Variants in ETHE1 observed in about 807,000 individuals in gnomAD.
The protein encoded by ETHE1 is ETHE1 persulfide dioxygenase, also known as persulfide dioxygenase ETHE1, mitochondrial.
Under a neutral mutation model 25.7 loss-of-function variants are expected in ETHE1, and 16 were observed. That is an observed-to-expected ratio of 0.62 (90% confidence interval 0.42 to 0.95). ETHE1 has a LOEUF of 0.95. Among genes scored for constraint, ETHE1 ranks in the 40% least tolerant of loss-of-function variants. The pLI is 0.00. For missense variants in ETHE1, 300 were observed against 333.6 expected, an observed-to-expected ratio of 0.90 and a Z score of 0.79; for synonymous variants, 139 against 135.9, an observed-to-expected ratio of 1.02 and a Z score of -0.16.
In ETHE1 at chr19:43,511,440, G is replaced by C. The variant is rs1221844273; in HGVS notation, c.502C>G (p.Gln168Glu). ...GCTGGATAAAGGAGCTGGTCACCTT[G>C]CTGGAAGTCTGTCCGCCCACACCCA... ...IRGCGRTDFQ[Q>E]GCAKTLYHSV... The change falls in exon 4 of 7, where the codon CAA becomes GAA. Residue 168 changes from glutamine (Q) to glutamate (E), a missense_variant. Gln to Glu is a conservative substitution (Grantham distance 29). Coordinates refer to ENST00000292147, the MANE Select transcript of ETHE1 (RefSeq NM_014297.5). The C allele has an allele frequency of 1.9e-6, 3 of 1,614,076 alleles. No homozygotes were observed. The highest frequency in any genetic ancestry group is 2.7e-5 in the African/African-American group (2 of 74,936).
intron 3 of ETHE1, among the ~76,000 whole-genome samples, chr19:43,522,031 A>G (rs978794498): frequency 1.3e-5 from 2 of 152,092 alleles, no homozygotes; most frequent in Non-Finnish European, 2.9e-5. Flanking sequence ...TGTAGGGCAA[A>G]AATTATGGCC....
chr19:43,516,623 CT>C (rs71169249), intron 3 of ETHE1, among the ~76,000 whole-genome samples: 55 of 110,178 alleles, frequency 5.0e-4, no homozygotes, highest in Middle Eastern at 6.1e-3. Flanking sequence ...TTCTTTTTTT[CT>C]TTTTTTTTTT....
rs935855792 is a variant in ETHE1, at chr19:43,511,436, C to A, written c.505+1G>T. The A allele has an allele frequency of 1.2e-6, 2 of 1,614,192 alleles. No individual in the cohort carries two copies. The highest frequency in any genetic ancestry group is 1.7e-6 in the Non-Finnish European group (2 of 1,180,022). ...TTGGGCTGGATAAAGGAGCTGGTCA[C>A]CTTGCTGGAAGTCTGTCCGCCCACA... On this transcript the variant is annotated splice_donor_variant, in intron 4 of 6. Transcript: ENST00000292147. LOFTEE classifies it high-confidence loss of function.
chr19:43,507,978 C>A lies in ETHE1; in HGVS notation c.678G>T (p.Met226Ile), dbSNP rs778245630. ...TLSCEEFVKI[M>I]GNLNLPKPQQ... Reference sequence around the variant, plus strand: ...GAGGTTTAGGCAAGTTCAGGTTGCCCATGATTTTGACAAACTCCTCACAGC... The same window carrying A: ...GAGGTTTAGGCAAGTTCAGGTTGCCAATGATTTTGACAAACTCCTCACAGC... Residue 226 changes from methionine to isoleucine, a missense_variant, in exon 6 of 7, where the codon ATG (methionine) becomes ATT (isoleucine). By Grantham distance (10) the Met-to-Ile change is conservative (BLOSUM62 1). Coordinates refer to ENST00000292147, the MANE Select transcript of ETHE1 (RefSeq NM_014297.5). 4 of 1,614,130 alleles carry A rather than the reference C, an allele frequency of 2.5e-6. No homozygotes were observed. Among genetic ancestry groups the A allele is most frequent in the Non-Finnish European group, 2.5e-6 (3 of 1,180,026 alleles).
intron 3 of ETHE1, 88 bp downstream of exon 3, chr19:43,526,113 C>T: frequency 6.2e-7 from 1 of 1,600,372 alleles, no homozygotes; most frequent in Non-Finnish European, 8.6e-7. Flanking sequence ...TCCCCAAGGA[C>T]TCAGGATCCC....
intron 5 of ETHE1, among the ~76,000 whole-genome samples, chr19:43,508,454 C>T (rs553211547): frequency 6.7e-6 from 1 of 150,258 alleles, no homozygotes; most frequent in Non-Finnish European, 1.5e-5. Flanking sequence ...CTCAAGCAAT[C>T]CTTCTACCAC....
intron 3 of ETHE1, among the ~76,000 whole-genome samples, chr19:43,512,145 C>T (rs752286791): frequency 6.6e-6 from 1 of 152,136 alleles, no homozygotes; most frequent in Non-Finnish European, 1.5e-5. Flanking sequence ...ATGACCCAGT[C>T]TTAGGGATGT....
chr19:43,527,021 A>C (rs1300051834), intron 1 of ETHE1, 76 bp downstream of exon 1: 1 of 1,539,228 alleles, frequency 6.5e-7, no homozygotes, highest in Non-Finnish European at 8.7e-7. Context: ...ATCTCTCCCT[A>C]TTAAGAGACC....
At position 43,526,325 on chromosome 19, in the gene ETHE1, T is replaced by C; in HGVS notation, c.251A>G (p.His84Arg). The change falls in exon 3 of 7, where the codon CAC (histidine) becomes CGC (arginine). Residue 84 changes from histidine to arginine, a missense_variant. Transcript: ENST00000292147. The stretch of plus-strand genomic sequence containing the variant: ...ACGGAGCAGCCCCGAGCCTGTAATG[T>C]GGTCCGCGTGGCAGTGGGTATTCAC... The part of the protein sequence containing the change: ...YAVNTHCHAD[H>R]ITGSGLLRSL... 6.2e-7 allele frequency: 1 copy of C among 1,614,084 alleles called. No homozygotes were observed. The highest frequency in any genetic ancestry group is 1.6e-4 in the Middle Eastern group (1 of 6,062).
intron 3 of ETHE1, among the ~76,000 whole-genome samples, chr19:43,515,079 C>A (rs1971991985): frequency 1.3e-5 from 2 of 152,066 alleles, no homozygotes; most frequent in South Asian, 4.2e-4. Flanking sequence ...AAAAGCAATA[C>A]CGTTGAAATA....
Position 43,508,725 on chromosome 19 carries a change from T to G in ETHE1, c.595+50A>C, listed in dbSNP as rs1439344567. On this transcript the variant is annotated intron_variant, in intron 5 of 6. Coordinates refer to ENST00000292147, the MANE Select transcript of ETHE1 (RefSeq NM_014297.5). ...CTACAAGGATTACAGAGATTTACAC[T>G]CCACTTTCAAAGTTATGTACGCCCC... 3.6e-6 allele frequency: 5 copies of G among 1,392,262 alleles called. No homozygotes were observed. The African/African-American group carries it at 7.1e-5, about 20-fold the overall frequency. 86.2% of individuals were successfully genotyped at this position (1,392,262 alleles called of 1,614,324 possible). A position where few individuals can be genotyped will look rare whatever the true frequency, so the allele number is the denominator to read the frequency against.
rs1472698495 is a variant in ETHE1, at chr19:43,506,873, C to T, written c.742G>A (p.Gly248Arg). ...GATCAGGCAGTGGGTGTCTGCACCC[C>T]ACAGCGCATGTTGGCTGGAACAGCA... Reference protein sequence around the residue: ...DFAVPANMRCGVQTPTA With the variant: ...DFAVPANMRCRVQTPTA Residue 248 changes from glycine to arginine, a missense_variant, in exon 7 of 7, where the codon GGG (glycine) becomes AGG (arginine). Transcript: ENST00000292147. 1 of 1,613,828 alleles carries T rather than the reference C, an allele frequency of 6.2e-7. No individual in the cohort carries two copies. Among genetic ancestry groups the T allele is most frequent in the Non-Finnish European group, 8.5e-7 (1 of 1,179,948 alleles).
intron 3 of ETHE1, among the ~76,000 whole-genome samples, chr19:43,520,473 G>A (rs1171952905): frequency 2.6e-5 from 4 of 152,084 alleles, no homozygotes; most frequent in Admixed American, 6.5e-5. Context: ...GGCCAAGGAG[G>A]GAGGATTGCC....
At chr19:43,516,754 T>G (rs1000285203) in intron 3 of ETHE1, among the ~76,000 whole-genome samples, 1 of 150,914 alleles carries the variant, frequency 6.6e-6, no homozygotes, top group Non-Finnish European at 1.5e-5. Context: ...GCCTTCTGAG[T>G]AGCTGGGATA....
At position 43,508,068 on chromosome 19, in the gene ETHE1, C is replaced by T. The variant is rs759099758; in HGVS notation, c.596-8G>A. The stretch of plus-strand genomic sequence containing the variant: ...CGGTGGACACTGTGAACCCTAGGGG[C>T]CAAGGGAGGGGAAGGAAAGTCAAGG... On this transcript the variant is annotated splice_polypyrimidine_tract_variant and splice_region_variant and intron_variant, in intron 5 of 6. Transcript: ENST00000292147. 21 of 1,613,480 alleles carry T rather than the reference C, an allele frequency of 1.3e-5. No individual in the cohort carries two copies. The highest frequency in any genetic ancestry group is 1.7e-5 in the Non-Finnish European group (20 of 1,179,888).
intron 1 of ETHE1, 56 bp downstream of exon 1, chr19:43,527,041 C>G (rs547508924): frequency 6.5e-7 from 1 of 1,541,918 alleles, no homozygotes; most frequent in East Asian, 2.4e-5. Flanking sequence ...CCCGGAGTTC[C>G]GTCCTTGCTG....
chr19:43,519,742 A>G (rs576422538), intron 3 of ETHE1, among the ~76,000 whole-genome samples: 1 of 152,030 alleles, frequency 6.6e-6, no homozygotes, highest in Non-Finnish European at 1.5e-5. Flanking sequence ...ATTACTCAAA[A>G]CTATAGTAAA....
chr19:43,508,187 C>CT, intron 5 of ETHE1, 127 bp from the exon 6 acceptor site: 1 of 1,448,966 alleles, frequency 6.9e-7, no homozygotes, highest in Non-Finnish European at 9.3e-7. Flanking sequence ...CCTAAAATTG[C>CT]TTTCCCTCCT....
Position 43,506,876 on chromosome 19 carries a change from A to G in ETHE1, c.739T>C (p.Cys247Arg), listed in dbSNP as rs1164179622. The change falls in exon 7 of 7, where the codon TGT (cysteine) becomes CGT (arginine). Residue 247 changes from cysteine to arginine, a missense_variant. By Grantham distance (180) the Cys-to-Arg change is radical. Coordinates refer to ENST00000292147, the MANE Select transcript of ETHE1 (RefSeq NM_014297.5). ...CAGGCAGTGGGTGTCTGCACCCCAC[A>G]GCGCATGTTGGCTGGAACAGCAAAG... ...IDFAVPANMR[C>R]GVQTPTA 2 of 1,613,794 alleles carry G rather than the reference A, an allele frequency of 1.2e-6. No homozygotes were observed. Among genetic ancestry groups the G allele is most frequent in the South Asian group, 1.1e-5 (1 of 91,072 alleles).
Sources: gnomAD v4.1 joint callset for allele counts (sites outside exome capture counted in the v4.1 genomes callset) on GRCh38, gnomAD v4.1.1 for gene constraint, MANE v1.5 for transcripts, NCBI Gene and HGNC (gene_info 2026-07-23, HGNC 2026-07-21) for gene names.